PHACTR2: variants seen among roughly 807,000 people sequenced by gnomAD.
PHACTR2 encodes the protein chromosome 6 open reading frame 56.
In PHACTR2, 30 loss-of-function variants were observed where a neutral mutation model predicts 76.0. The observed-to-expected ratio is 0.39, with a 90% CI of 0.30 to 0.54. The LOEUF (loss-of-function observed/expected upper bound fraction) is 0.54, where lower values mean the gene tolerates loss of function less well. Ranked by LOEUF, PHACTR2 falls within the 20% of genes least tolerant of loss-of-function variation. The pLI is 0.61. For missense variants in PHACTR2, 696 were observed against 781.1 expected, an observed-to-expected ratio of 0.89 and a Z score of 1.30; for synonymous variants, 292 against 292.5, an observed-to-expected ratio of 1.00 and a Z score of 0.02.
intron 1 of PHACTR2, among the ~76,000 whole-genome samples, chr6:143,636,689 C>T (rs1261833600): frequency 6.6e-6 from 1 of 152,138 alleles, no homozygotes; most frequent in East Asian, 1.9e-4. Flanking sequence ...TCTTGGGTAG[C>T]ATATATTTAA....
At chr6:143,796,541 C>G (rs1775827644) in intron 11 of PHACTR2, among the ~76,000 whole-genome samples, 1 of 152,060 alleles carries the variant, frequency 6.6e-6, no homozygotes, top group South Asian at 2.1e-4. Context: ...AGGTATTTCT[C>G]CTAATATTAT....
rs142723127 is a variant in PHACTR2 at position 143,563,161 on chromosome 6, A to C, written c.217+25954A>C. ...TCTTTTTTTAAAAAAAGCAACAAGA[A>C]GGGAAGAAACAACTGAAAAAATTAG... On this transcript the variant is annotated intron_variant, in intron 1 of 11. Coordinates refer to the PHACTR2 transcript ENST00000367584. Among the ~76,000 whole-genome samples, 809 of 152,330 alleles carry C rather than the reference A, an allele frequency of 5.3e-3. 16 individuals carry two copies. The highest frequency in any genetic ancestry group is 0.041 in the East Asian group (213 of 5,190).
rs1776577648 is a variant in PHACTR2, at chr6:143,827,815, T to G, written c.*4126T>G. 1 of 152,168 alleles carries G rather than the reference T, an allele frequency of 6.6e-6. No individual in the cohort carries two copies. Among genetic ancestry groups the G allele is most frequent in the Non-Finnish European group, 1.5e-5 (1 of 68,028 alleles). 9.4% of individuals were successfully genotyped at this position (152,168 alleles called of 1,614,324 possible). On this transcript the variant is annotated 3_prime_UTR_variant, in exon 13 of 13. Transcript: ENST00000440869. ...GGTAGGATAGATTACATTGCTTTAC[T>G]GGACAAAGCAGAATGAACTTATATA... is the stretch of plus-strand genomic sequence containing the variant.
At chr6:143,748,066 A>ATC (rs1779105810) in intron 2 of PHACTR2, among the ~76,000 whole-genome samples, 1 of 150,674 alleles carries the variant, frequency 6.6e-6, no homozygotes. Context: ...ACTGATTATT[A>ATC]TTATTTTTTT....
rs1293900612 is a variant in PHACTR2 at position 143,653,507 on chromosome 6, G to A, written c.13+45185G>A. Among the ~76,000 whole-genome samples, 5 of 151,896 alleles carry A rather than the reference G, an allele frequency of 3.3e-5. No homozygotes were observed. Among genetic ancestry groups the A allele is most frequent in the African/African-American group, 7.2e-5 (3 of 41,418 alleles). ...CTTCCCACATGCAAAGTTTATTTTC[G>A]GAGAGTAGTTTATATATGGAATAAA... is the stretch of plus-strand genomic sequence containing the variant. On this transcript the variant is annotated intron_variant, in intron 1 of 11. Transcript: ENST00000305766. This position sits in a 1 kb window ranked among gnomAD's most constrained non-coding sequence, Gnocchi z 4.9.
At chr6:143,747,504 C>A (rs11962678) in intron 2 of PHACTR2, among the ~76,000 whole-genome samples, 58,746 of 152,042 alleles carry the variant, frequency 0.39, 11,404 homozygotes, top group South Asian at 0.42. Context: ...GTGTTATCAC[C>A]TGCTCCCTTT....
rs1435512171 is a variant in PHACTR2, at chr6:143,672,222, G to T, written c.14-39794G>T. 6.6e-6 allele frequency among the ~76,000 whole-genome samples: 1 copy of T among 151,538 alleles called. No homozygotes were observed. The highest frequency in any genetic ancestry group is 2.4e-5 in the African/African-American group (1 of 41,232). On this transcript the variant is annotated intron_variant, in intron 1 of 11. Transcript: ENST00000305766. This position sits in a 1 kb window ranked among gnomAD's most constrained non-coding sequence, Gnocchi z 5.8. ...TTGCTTTAAATGGGTACATTTTAGG[G>T]TCCATAACTTATTCTTCAAAAAGCT...
rs1775545949 is a variant in PHACTR2 at position 143,785,885 on chromosome 6, C to T, written c.1707+2605C>T. 7.9e-5 allele frequency among the ~76,000 whole-genome samples: 12 copies of T among 152,252 alleles called. No homozygotes were observed. In the South Asian group the frequency reaches 2.5e-3, roughly 32 times the overall value. The stretch of plus-strand genomic sequence containing the variant: ...CTAGGCTGCACACAGCACAGGGACC[C>T]TGGGCCCTGCCCACAAAACCACTTT... On this transcript the variant is annotated intron_variant, in intron 10 of 12. Transcript: ENST00000440869.
chr6:143,648,420 G>T lies in PHACTR2; in HGVS notation c.13+40098G>T, dbSNP rs928987429. The stretch of plus-strand genomic sequence containing the variant: ...TTCAAAGGGCAAAGGGGTAGAAAAT[G>T]GATCTGACTGTCTCTGCACTGGGAG... On this transcript the variant is annotated intron_variant, in intron 1 of 11. Transcript: ENST00000305766. This position sits in a 1 kb window ranked among gnomAD's most constrained non-coding sequence, Gnocchi z 6.7. Among the ~76,000 whole-genome samples, 2 of 152,150 alleles carry T rather than the reference G, an allele frequency of 1.3e-5. No individual in the cohort carries two copies. The highest frequency in any genetic ancestry group is 4.8e-5 in the African/African-American group (2 of 41,426).
chr6:143,632,081 C>T (rs924956780), intron 1 of PHACTR2, among the ~76,000 whole-genome samples: 1 of 152,198 alleles, frequency 6.6e-6, no homozygotes, highest in African/African-American at 2.4e-5. Flanking sequence ...CCCCCTGCCC[C>T]TCCCTGGCCC....
chr6:143,662,556 G>A lies in PHACTR2; in HGVS notation c.14-49460G>A, dbSNP rs1776963692. On this transcript the variant is annotated intron_variant, in intron 1 of 11. Coordinates refer to the PHACTR2 transcript ENST00000305766. The surrounding 1 kb of genome is among the most constrained non-coding windows in gnomAD (Gnocchi z 4.7). ...TTTAGTTATAAAATGCTGAACTATT[G>A]AATAATGAAAGTGTTTTAAACAACA... Among the ~76,000 whole-genome samples, 2 of 152,050 alleles carry A rather than the reference G, an allele frequency of 1.3e-5. No homozygotes were observed. The highest frequency in any genetic ancestry group is 2.4e-5 in the African/African-American group (1 of 41,514).
intron 1 of PHACTR2, among the ~76,000 whole-genome samples, chr6:143,668,109 C>A (rs2128449997): frequency 6.6e-6 from 1 of 152,258 alleles, no homozygotes; most frequent in South Asian, 2.1e-4. Context: ...TGTCAAAGGC[C>A]TCTTCTGCAT....
rs1264047160 is a variant in PHACTR2, at chr6:143,624,907, G to C, written c.13+16585G>C. 6.6e-6 allele frequency among the ~76,000 whole-genome samples: 1 copy of C among 152,142 alleles called. No individual in the cohort carries two copies. Among genetic ancestry groups the C allele is most frequent in the Non-Finnish European group, 1.5e-5 (1 of 68,014 alleles). On this transcript the variant is annotated intron_variant, in intron 1 of 11. Transcript: ENST00000305766. This position sits in a 1 kb window ranked among gnomAD's most constrained non-coding sequence, Gnocchi z 4.6. ...ACGGTGCCTCACACCTGTAATCCCA[G>C]TACTTTGGGAGGCCGAGGCGGGCGG... is the stretch of plus-strand genomic sequence containing the variant.
At chr6:143,735,155 C>T (rs910788942) in intron 2 of PHACTR2, among the ~76,000 whole-genome samples, 5 of 152,134 alleles carry the variant, frequency 3.3e-5, no homozygotes, top group African/African-American at 1.2e-4. Context: ...GAAGGTTTCT[C>T]CAACTGATTC....
At chr6:143,771,986 A>G (rs1775163086) in intron 6 of PHACTR2, among the ~76,000 whole-genome samples, 1 of 152,184 alleles carries the variant, frequency 6.6e-6, no homozygotes, top group Non-Finnish European at 1.5e-5. Context: ...TGTAGCTGAC[A>G]CTTGAAGGAA....
upstream of PHACTR2, chr6:143,608,084 T>C: frequency 1.7e-6 from 1 of 578,712 alleles, no homozygotes; most frequent in Non-Finnish European, 3.1e-6. This position sits in a 1 kb window ranked among gnomAD's most constrained non-coding sequence, Gnocchi z 4.6. Flanking sequence ...AGTACCCACT[T>C]GATAGGCTCA....
Position 143,722,860 on chromosome 6 carries a change from G to T in PHACTR2, c.214+10677G>T, listed in dbSNP as rs924333776. ...ATATGAGTGAGAACATGCAACATTT[G>T]TCTTTCTGTACCTGGCTTATTTTAC... is the stretch of plus-strand genomic sequence containing the variant. On this transcript the variant is annotated intron_variant, in intron 2 of 12. Transcript: ENST00000440869. The surrounding 1 kb of genome is among the most constrained non-coding windows in gnomAD (Gnocchi z 4.1). Among the ~76,000 whole-genome samples, 4 of 152,070 alleles carry T rather than the reference G, an allele frequency of 2.6e-5. No homozygotes were observed. The highest frequency in any genetic ancestry group is 9.7e-5 in the African/African-American group (4 of 41,406).
At chr6:143,651,126 G>A (rs181714791) in intron 1 of PHACTR2, among the ~76,000 whole-genome samples, 32 of 151,912 alleles carry the variant, frequency 2.1e-4, no homozygotes, top group Admixed American at 1.3e-3. Flanking sequence ...AATGCAAACC[G>A]AAACCACATT....
chr6:143,566,706 T>C (rs1295435315), intron 1 of PHACTR2, among the ~76,000 whole-genome samples: 1 of 151,952 alleles, frequency 6.6e-6, no homozygotes, highest in Non-Finnish European at 1.5e-5. Flanking sequence ...TAGTCAAAAT[T>C]GTTTCTTCCT....
Sources: gnomAD v4.1 joint callset for allele counts (sites outside exome capture counted in the v4.1 genomes callset) on GRCh38, gnomAD v4.1.1 for gene constraint, Gnocchi (gnomAD v3.1) non-coding constraint, MANE v1.5 for transcripts, NCBI Gene and HGNC (gene_info 2026-07-23, HGNC 2026-07-21) for gene names.